Variants in SPON1 observed in about 807,000 individuals in gnomAD.
The protein encoded by SPON1 is spondin-1.
SPON1 carries 52 observed loss-of-function variants against 111.7 expected under a neutral mutation model. The observed-to-expected ratio is 0.47, with a 90% CI of 0.37 to 0.59. The LOEUF (loss-of-function observed/expected upper bound fraction) is 0.59. Ranked by LOEUF, SPON1 falls within the 20% of genes least tolerant of loss-of-function variation. SPON1 has a pLI of 0.00. For missense variants in SPON1, 957 were observed against 1,068.5 expected (o/e 0.90, Z 1.46); for synonymous variants, 410 against 395.8 (o/e 1.04, Z -0.43).
At chr11:14,011,392 C>T (rs782286664) in intron 2 of SPON1, among the ~76,000 whole-genome samples, 1 of 107,114 alleles carries the variant, frequency 9.3e-6, no homozygotes, top group Admixed American at 9.2e-5. Context: ...TGTACTGTGT[C>T]ATCAGAAAAA....
intron 5 of SPON1, among the ~76,000 whole-genome samples, chr11:14,085,779 A>T (rs1301479838): frequency 6.6e-6 from 1 of 152,170 alleles, no homozygotes; most frequent in Non-Finnish European, 1.5e-5. Flanking sequence ...CCTATCCATG[A>T]GCATGGAATT....
chr11:14,139,358 C>CT (rs1222016802), intron 6 of SPON1, among the ~76,000 whole-genome samples: 8 of 152,136 alleles, frequency 5.3e-5, no homozygotes, highest in Non-Finnish European at 7.4e-5. Flanking sequence ...CTAAATTGAT[C>CT]TTGCCAGGTG....
At chr11:14,154,454 G>T (rs10766153) in intron 6 of SPON1, among the ~76,000 whole-genome samples, 59,762 of 152,082 alleles carry the variant, frequency 0.39, 12,006 homozygotes, top group East Asian at 0.55. Flanking sequence ...TCTTGGCCCC[G>T]CTTAGCCATG....
At chr11:13,990,142 G>A (rs1040204211) in intron 2 of SPON1, among the ~76,000 whole-genome samples, 6 of 152,016 alleles carry the variant, frequency 3.9e-5, no homozygotes, top group African/African-American at 1.4e-4. Flanking sequence ...TATTGGCAGT[G>A]GGGTGTTAAA....
intron 1 of SPON1, among the ~76,000 whole-genome samples, chr11:13,976,000 T>C (rs1564877254): frequency 6.6e-6 from 1 of 152,238 alleles, no homozygotes; most frequent in Non-Finnish European, 1.5e-5. Flanking sequence ...CTTAAAATTC[T>C]TGAACAGTTT....
At chr11:14,183,692 G>A (rs1848258345) in intron 6 of SPON1, among the ~76,000 whole-genome samples, 1 of 152,252 alleles carries the variant, frequency 6.6e-6, no homozygotes, top group East Asian at 1.9e-4. Flanking sequence ...ATTTACAGAT[G>A]GGGAAACTTT....
intron 5 of SPON1, among the ~76,000 whole-genome samples, chr11:14,111,900 A>C (rs1849229440): frequency 6.6e-6 from 1 of 152,190 alleles, no homozygotes; most frequent in Admixed American, 6.5e-5. Flanking sequence ...GAATTTCTAA[A>C]GTGACAAATT....
chr11:14,191,965 AT>A (rs1328772297), intron 6 of SPON1, among the ~76,000 whole-genome samples: 1 of 152,176 alleles, frequency 6.6e-6, no homozygotes, highest in Non-Finnish European at 1.5e-5. Flanking sequence ...ATAATTGAGG[AT>A]TTTATTGTAT....
chr11:13,968,061 T>C (rs1554908224), intron 1 of SPON1, among the ~76,000 whole-genome samples: 1 of 152,222 alleles, frequency 6.6e-6, no homozygotes, highest in East Asian at 1.9e-4. Flanking sequence ...TAATCACTGA[T>C]ACGTTTACCA....
chr11:14,001,404 C>A (rs1848317872), intron 2 of SPON1, among the ~76,000 whole-genome samples: 1 of 152,138 alleles, frequency 6.6e-6, no homozygotes, highest in Non-Finnish European at 1.5e-5. Flanking sequence ...GAAATCTGGC[C>A]AGATGCTTCT....
intron 6 of SPON1, among the ~76,000 whole-genome samples, chr11:14,192,308 C>G (rs951136611): frequency 2.0e-5 from 3 of 151,902 alleles, no homozygotes; most frequent in African/African-American, 7.3e-5. Flanking sequence ...CTACTTGGCA[C>G]TCTGCTAGGG....
intron 6 of SPON1, among the ~76,000 whole-genome samples, chr11:14,170,869 T>G (rs1554932383): frequency 6.6e-6 from 1 of 152,168 alleles, no homozygotes; most frequent in East Asian, 1.9e-4. Context: ...GGATAAGCTT[T>G]TTGATGTGCT....
chr11:13,971,846 G>A lies in SPON1; in HGVS notation c.238+8704G>A, dbSNP rs144106382. Among the ~76,000 whole-genome samples, 1,116 of 152,232 alleles carry A rather than the reference G, an allele frequency of 7.3e-3. 11 individuals carry two copies. Among genetic ancestry groups the A allele is most frequent in the Non-Finnish European group, 9.3e-3 (632 of 68,016 alleles). On this transcript the variant is annotated intron_variant, in intron 1 of 15. Transcript: ENST00000576479. Reference sequence around the variant, plus strand: ...TTCCCGCTTGGCAGTAGGGTGATGGGGAGAAGAGAACCATGAGTTTTCCTT... The same window carrying A: ...TTCCCGCTTGGCAGTAGGGTGATGGAGAGAAGAGAACCATGAGTTTTCCTT...
intron 5 of SPON1, among the ~76,000 whole-genome samples, chr11:14,126,030 G>T (rs1248509952): frequency 2.0e-5 from 3 of 152,172 alleles, no homozygotes; most frequent in Non-Finnish European, 4.4e-5. Context: ...CAGCTTAAAG[G>T]CAGTTAGGCA....
At chr11:14,230,621 G>T (rs146124083) in intron 6 of SPON1, among the ~76,000 whole-genome samples, 1 of 152,180 alleles carries the variant, frequency 6.6e-6, no homozygotes, top group Admixed American at 6.5e-5. Flanking sequence ...CTAGAGGTCC[G>T]CCCTACTCTC....
chr11:13,996,235 G>A (rs1464507272), intron 2 of SPON1, among the ~76,000 whole-genome samples: 1 of 152,088 alleles, frequency 6.6e-6, no homozygotes, highest in African/African-American at 2.4e-5. Flanking sequence ...CCCTTGAGGA[G>A]CTCACTTGGT....
chr11:14,123,893 T>C (rs567282157), intron 5 of SPON1, among the ~76,000 whole-genome samples: 1 of 152,352 alleles, frequency 6.6e-6, no homozygotes, highest in South Asian at 2.1e-4. Context: ...TCATAGTCCT[T>C]TGCGGTCTGT....
chr11:14,190,732 C>A (rs1848338020), intron 6 of SPON1, among the ~76,000 whole-genome samples: 1 of 151,560 alleles, frequency 6.6e-6, no homozygotes, highest in African/African-American at 2.4e-5. Context: ...CCTCCACCTC[C>A]CAGATTCAAG....
chr11:13,989,968 A>G (rs1469448667), intron 2 of SPON1, among the ~76,000 whole-genome samples: 1 of 152,146 alleles, frequency 6.6e-6, no homozygotes, highest in Non-Finnish European at 1.5e-5. Flanking sequence ...ACTTCCAATT[A>G]TATGGTCAAT....
Sources: gnomAD v4.1 joint callset for allele counts (sites outside exome capture counted in the v4.1 genomes callset) on GRCh38, gnomAD v4.1.1 for gene constraint, MANE v1.5 for transcripts, NCBI Gene and HGNC (gene_info 2026-07-23, HGNC 2026-07-21) for gene names.